The following SLC22A15 variants were observed in gnomAD, a reference collection of about 807,000 sequenced individuals.
SLC22A15 encodes the protein solute carrier family 22 member 15.
A neutral mutation model predicts 62.7 loss-of-function variants in SLC22A15; 45 were observed. The observed-to-expected ratio is 0.72, with a 90% confidence interval of 0.56 to 0.92. SLC22A15 has a LOEUF of 0.92. Among genes scored for constraint, SLC22A15 ranks in the 40% least tolerant of loss-of-function variants. The pLI, the probability that SLC22A15 is intolerant of heterozygous loss-of-function variation, is 0.00. For synonymous variants in SLC22A15, 264 were observed against 267.0 expected, an observed-to-expected ratio of 0.99 and a Z score of 0.11; for missense variants, 622 against 665.6, an observed-to-expected ratio of 0.93 and a Z score of 0.72.
At chr1:116,062,675 G>A in intron 8 of SLC22A15, 87 bp from the exon 9 acceptor site, 1 of 1,506,138 alleles carries the variant, frequency 6.6e-7, no homozygotes, top group Non-Finnish European at 9.1e-7. Flanking sequence ...CAACATGAAT[G>A]CCACCTGCTC....
At chr1:116,066,742 G>T in intron 11 of SLC22A15, 34 bp downstream of exon 11, 1 of 1,553,438 alleles carries the variant, frequency 6.4e-7, no homozygotes, top group Non-Finnish European at 8.7e-7. Flanking sequence ...ATACCGCTTG[G>T]ATAGTGGCAG....
chr1:116,032,204 TTCAAAATGCTC>T lies in SLC22A15; in HGVS notation c.944+627_944+637del, dbSNP rs1657438794. Reference sequence around the variant, plus strand: ...TTGTTTAGCTTATTCCCACCTACCTTTCAAAATGCTCTCAGCGTGAGTGTAAGTTGCATTCA... The same window carrying T: ...TTGTTTAGCTTATTCCCACCTACCTTTCAGCGTGAGTGTAAGTTGCATTCA... On this transcript the variant is annotated intron_variant, in intron 6 of 11. Transcript: ENST00000369503. 8 of 985,322 alleles carry T rather than the reference TTCAAAATGCTC, an allele frequency of 8.1e-6. No individual in the cohort carries two copies. The South Asian group carries it at 3.3e-4, about 40-fold the overall frequency. The allele number at this position is 985,322 out of a possible 1,614,324, so 61.0% of individuals were successfully genotyped here.
chr1:115,981,665 T>C (rs1174694037), intron 1 of SLC22A15, among the ~76,000 whole-genome samples: 2 of 152,164 alleles, frequency 1.3e-5, no homozygotes, highest in African/African-American at 4.8e-5. Flanking sequence ...ACAGGAGGCC[T>C]CCAGAAGGGT....
intron 8 of SLC22A15, among the ~76,000 whole-genome samples, chr1:116,044,062 T>C (rs910741135): frequency 6.6e-6 from 1 of 152,014 alleles, no homozygotes; most frequent in Admixed American, 6.6e-5. Context: ...TTCCAGAAAA[T>C]AAAGAGGAGA....
Position 116,062,839 on chromosome 1 carries a change from A to G in SLC22A15, c.1249A>G (p.Ile417Val). Reference sequence around the variant, plus strand: ...GCTGACCATCAGTGCTGCCTTTAACATTGTTTATATCTACACCTCTGAGCT... The same window carrying G: ...GCTGACCATCAGTGCTGCCTTTAACGTTGTTTATATCTACACCTCTGAGCT... Reference protein sequence around the residue: ...GKLTISAAFNIVYIYTSELYP... With the variant: ...GKLTISAAFNVVYIYTSELYP... The change falls in exon 9 of 12, where the codon ATT (isoleucine) becomes GTT (valine). Residue 417 changes from isoleucine to valine, a missense_variant. Ile to Val is a conservative substitution (Grantham distance 29). Transcript: ENST00000369503. 1 of 1,613,846 alleles carries G rather than the reference A, an allele frequency of 6.2e-7. No homozygotes were observed. The highest frequency in any genetic ancestry group is 8.5e-7 in the Non-Finnish European group (1 of 1,179,810).
intron 8 of SLC22A15, among the ~76,000 whole-genome samples, chr1:116,061,107 T>C (rs1658368283): frequency 6.6e-6 from 1 of 152,188 alleles, no homozygotes; most frequent in Non-Finnish European, 1.5e-5. Flanking sequence ...TCAGCAGATA[T>C]TTAATGAGCA....
At chr1:116,011,287 G>A (rs1171136339) in intron 2 of SLC22A15, among the ~76,000 whole-genome samples, 1 of 152,146 alleles carries the variant, frequency 6.6e-6, no homozygotes, top group African/African-American at 2.4e-5. Flanking sequence ...AGTGCTTTCA[G>A]GGGCTAAAGA....
At chr1:116,047,063 C>T (rs890958232) in intron 8 of SLC22A15, among the ~76,000 whole-genome samples, 15 of 152,126 alleles carry the variant, frequency 9.9e-5, no homozygotes, top group African/African-American at 3.6e-4. Flanking sequence ...CTCCATACTA[C>T]CATAGCTGGT....
At chr1:116,036,149 A>G (rs1000159940) in intron 7 of SLC22A15, among the ~76,000 whole-genome samples, 5 of 152,136 alleles carry the variant, frequency 3.3e-5, no homozygotes, top group Non-Finnish European at 7.4e-5. Context: ...TCCCTGTGAT[A>G]GAGGCTACAG....
chr1:116,029,949 T>C (rs2101423800), intron 5 of SLC22A15, among the ~76,000 whole-genome samples: 1 of 152,320 alleles, frequency 6.6e-6, no homozygotes, highest in South Asian at 2.1e-4. Context: ...CATAATCAAG[T>C]GGTTTTACGT....
intron 8 of SLC22A15, among the ~76,000 whole-genome samples, chr1:116,050,086 G>A (rs1658011740): frequency 2.6e-5 from 4 of 151,994 alleles, no homozygotes; most frequent in South Asian, 2.1e-4. Flanking sequence ...AACAAGCAAC[G>A]AGATTGAAAT....
chr1:116,055,661 A>G (rs1386556903), intron 8 of SLC22A15, among the ~76,000 whole-genome samples: 5 of 151,886 alleles, frequency 3.3e-5, no homozygotes, highest in Non-Finnish European at 5.9e-5. Flanking sequence ...CCTCAGTAAA[A>G]TACTGGCAAA....
At chr1:116,006,947 C>T (rs1206851566) in intron 2 of SLC22A15, among the ~76,000 whole-genome samples, 1 of 152,090 alleles carries the variant, frequency 6.6e-6, no homozygotes, top group Non-Finnish European at 1.5e-5. Context: ...CTGTGTTATT[C>T]ATCTGTCCTC....
At chr1:116,040,669 T>C (rs1172491278) in intron 8 of SLC22A15, among the ~76,000 whole-genome samples, 1 of 152,208 alleles carries the variant, frequency 6.6e-6, no homozygotes, top group Non-Finnish European at 1.5e-5. Flanking sequence ...CAGGCTGGAC[T>C]GCAATGGTGT....
At chr1:116,063,123 A>G (rs1658422310) in intron 9 of SLC22A15, among the ~76,000 whole-genome samples, 1 of 152,208 alleles carries the variant, frequency 6.6e-6, no homozygotes. Context: ...GAAGTACTCT[A>G]TGCTAGGCAT....
At chr1:116,030,199 C>T (rs1231736528) in intron 5 of SLC22A15, among the ~76,000 whole-genome samples, 1 of 152,136 alleles carries the variant, frequency 6.6e-6, no homozygotes, top group East Asian at 1.9e-4. Context: ...AGCAAAGCTC[C>T]TGGGAAAACT....
chr1:115,977,105 C>T (rs1654345815), intron 1 of SLC22A15, among the ~76,000 whole-genome samples: 1 of 152,220 alleles, frequency 6.6e-6, no homozygotes, highest in South Asian at 2.1e-4. Flanking sequence ...ACCTGTGGCA[C>T]TGTCACCTTG....
chr1:116,024,557 C>G (rs901493297), intron 4 of SLC22A15, among the ~76,000 whole-genome samples: 1 of 151,932 alleles, frequency 6.6e-6, no homozygotes, highest in Non-Finnish European at 1.5e-5. Flanking sequence ...TTTTTTAAAC[C>G]AAGTAACATA....
chr1:115,988,409 A>G (rs1654983718), intron 1 of SLC22A15, among the ~76,000 whole-genome samples: 2 of 152,354 alleles, frequency 1.3e-5, no homozygotes, highest in South Asian at 4.1e-4. Flanking sequence ...ATAGCAAACC[A>G]AAGAGAACCA....
Sources: allele counts gnomAD v4.1 joint callset (sites outside exome capture counted in the v4.1 genomes callset), GRCh38; gene constraint gnomAD v4.1.1; transcripts MANE v1.5; gene names NCBI Gene and HGNC (gene_info 2026-07-23, HGNC 2026-07-21).